The following SPTLC1 variants were observed in gnomAD, a reference collection of about 807,000 sequenced individuals.
SPTLC1 encodes the protein serine palmitoyltransferase 1.
Under a neutral mutation model 68.9 loss-of-function variants are expected in SPTLC1, and 55 were observed. The observed-to-expected ratio is 0.80, with a 90% CI of 0.64 to 1.00. The LOEUF (loss-of-function observed/expected upper bound fraction) is 1.00, where lower values mean the gene tolerates loss of function less well. Among genes scored for constraint, SPTLC1 ranks in the 50% least tolerant of loss-of-function variants. The probability of loss-of-function intolerance (pLI) is 0.00; values close to 1 mark genes in which losing one functional copy is unlikely to be tolerated. For missense variants in SPTLC1, 449 were observed against 573.1 expected (o/e 0.78, Z 2.21); for synonymous variants, 197 against 201.6 (o/e 0.98, Z 0.19).
In SPTLC1 at chr9:92,033,283, G is replaced by A. The variant is rs75239547; in HGVS notation, c.1329-725C>T. Among the ~76,000 whole-genome samples, 183 of 152,350 alleles carry A rather than the reference G, an allele frequency of 1.2e-3. 1 individual carries two copies. The highest frequency in any genetic ancestry group is 2.0e-3 in the Non-Finnish European group (136 of 68,040). Reference sequence around the variant, plus strand: ...CAAATCAACGACAGTTTGATTGTTCGTATTTATGTCAATAGCAATGTGAAA... The same window carrying A: ...CAAATCAACGACAGTTTGATTGTTCATATTTATGTCAATAGCAATGTGAAA... On this transcript the variant is annotated intron_variant, in intron 14 of 14. Transcript: ENST00000262554.
Position 92,115,299 on chromosome 9 carries a change from T to C in SPTLC1, c.57+15A>G, listed in dbSNP as rs753807121. 10 of 1,611,478 alleles carry C rather than the reference T, an allele frequency of 6.2e-6. No individual in the cohort carries two copies. Among genetic ancestry groups the C allele is most frequent in the South Asian group, 2.2e-5 (2 of 91,006 alleles). On this transcript the variant is annotated intron_variant, in intron 1 of 14. Coordinates refer to ENST00000262554, the MANE Select transcript of SPTLC1 (RefSeq NM_006415.4). The stretch of plus-strand genomic sequence containing the variant: ...CCCGGGTGTGGTCGCGGACCGCTAA[T>C]GGCGCGGAGCCCACCTCGTAAAGCG...
At chr9:92,038,911 C>T (rs1361107382) in intron 12 of SPTLC1, among the ~76,000 whole-genome samples, 3 of 152,230 alleles carry the variant, frequency 2.0e-5, no homozygotes, top group African/African-American at 7.2e-5. Flanking sequence ...TTTTGTCTCT[C>T]ATAAATTACA....
intron 3 of SPTLC1, among the ~76,000 whole-genome samples, chr9:92,085,731 G>A (rs556537513): frequency 1.1e-3 from 169 of 152,186 alleles, no homozygotes; most frequent in African/African-American, 3.7e-3. Flanking sequence ...GATTTGGGGT[G>A]GAGAGTTCTG....
chr9:92,032,642 C>T, intron 14 of SPTLC1, 84 bp from the exon 15 acceptor site: 1 of 1,556,040 alleles, frequency 6.4e-7, no homozygotes, highest in Non-Finnish European at 8.8e-7. Context: ...CTTTGGAGGC[C>T]AAGGCAGGTG....
At chr9:92,081,003 C>A in intron 3 of SPTLC1, 40 bp from the exon 4 acceptor site, 2 of 1,442,544 alleles carry the variant, frequency 1.4e-6, no homozygotes, top group Non-Finnish European at 2.0e-6. Flanking sequence ...ATTACACATT[C>A]ATGTTACATG....
chr9:92,038,234 C>G lies in SPTLC1; in HGVS notation c.1254+14G>C, dbSNP rs1254268526. On this transcript the variant is annotated intron_variant, in intron 13 of 14. Coordinates refer to ENST00000262554, the MANE Select transcript of SPTLC1 (RefSeq NM_006415.4). ...AGTGGTGTGGGGGGATGCCTCAAGT[C>G]AACGGATACTTACTTGATCTACAAT... is the stretch of plus-strand genomic sequence containing the variant. 6.4e-7 allele frequency: 1 copy of G among 1,555,610 alleles called. No individual in the cohort carries two copies. Among genetic ancestry groups the G allele is most frequent in the Admixed American group, 1.7e-5 (1 of 59,922 alleles).
chr9:92,101,228 A>G (rs1168242777), intron 3 of SPTLC1, among the ~76,000 whole-genome samples: 1 of 152,184 alleles, frequency 6.6e-6, no homozygotes, highest in Non-Finnish European at 1.5e-5. Context: ...AACAAGCCAT[A>G]GCCTGAATGA....
intron 3 of SPTLC1, chr9:92,108,215 C>G (rs1236728262): frequency 6.2e-6 from 1 of 160,366 alleles, no homozygotes; most frequent in African/African-American, 2.4e-5. Flanking sequence ...AAAATACATA[C>G]AATATAGCAA....
intron 13 of SPTLC1, among the ~76,000 whole-genome samples, chr9:92,036,056 G>A (rs1833128920): frequency 1.3e-5 from 2 of 152,176 alleles, no homozygotes; most frequent in African/African-American, 4.8e-5. Flanking sequence ...TTCAAATATT[G>A]AAAAGATGAG....
rs201242481 is a variant in SPTLC1, at chr9:92,052,534, AT to A, written c.781-2468del. 8.8e-3 allele frequency among the ~76,000 whole-genome samples: 1,295 copies of A among 147,418 alleles called. 10 individuals carry two copies. The highest frequency in any genetic ancestry group is 0.02 in the East Asian group (104 of 5,078). The stretch of plus-strand genomic sequence containing the variant: ...GGATTAAACAAAGATTATTATTATT[AT>A]TTTTTTTTTTTTGAGACAGAGTCTC... On this transcript the variant is annotated intron_variant, in intron 8 of 14. Transcript: ENST00000262554.
intron 6 of SPTLC1, among the ~76,000 whole-genome samples, chr9:92,060,796 C>T (rs181362826): frequency 7.6e-4 from 114 of 149,868 alleles, no homozygotes; most frequent in African/African-American, 2.7e-3. Flanking sequence ...GCCTGTAGTC[C>T]GGGTTACTCG....
rs1317345964 is a variant in SPTLC1, at chr9:92,034,150, T to A, written c.1328+660A>T. 2.0e-5 allele frequency among the ~76,000 whole-genome samples: 3 copies of A among 152,198 alleles called. No individual in the cohort carries two copies. In the East Asian group the frequency reaches 5.8e-4, roughly 29 times the overall value. On this transcript the variant is annotated intron_variant, in intron 14 of 14. Transcript: ENST00000262554. The stretch of plus-strand genomic sequence containing the variant: ...GACACACACACTTCTCTAGTTTTGG[T>A]GTAGACATCGCCTGCTCTCAAAAGC...
chr9:92,068,204 CT>C (rs1390052459), intron 5 of SPTLC1, 106 bp from the exon 6 acceptor site: 1 of 1,071,998 alleles, frequency 9.3e-7, no homozygotes, highest in Non-Finnish European at 1.4e-6. Context: ...ATACTTTCAC[CT>C]TATGGCCAAA....
intron 3 of SPTLC1, among the ~76,000 whole-genome samples, chr9:92,082,939 G>C (rs1246837608): frequency 6.6e-6 from 1 of 152,160 alleles, no homozygotes. Flanking sequence ...ATTCTAACTG[G>C]TGTGAGATGG....
intron 13 of SPTLC1, among the ~76,000 whole-genome samples, chr9:92,036,656 G>GA (rs1422116986): frequency 6.6e-6 from 1 of 152,056 alleles, no homozygotes; most frequent in African/African-American, 2.4e-5. Context: ...CAAGTCCATT[G>GA]AAAAAAACAA....
intron 12 of SPTLC1, among the ~76,000 whole-genome samples, chr9:92,042,362 A>G (rs543192840): frequency 1.1e-4 from 16 of 152,360 alleles, no homozygotes; most frequent in African/African-American, 3.8e-4. Flanking sequence ...ACTTCCATGC[A>G]CATCATCATA....
At chr9:92,082,689 C>G (rs1047894054) in intron 3 of SPTLC1, among the ~76,000 whole-genome samples, 1 of 151,882 alleles carries the variant, frequency 6.6e-6, no homozygotes, top group Admixed American at 6.6e-5. Flanking sequence ...GAATAGTGCC[C>G]CAATAAACAT....
intron 12 of SPTLC1, among the ~76,000 whole-genome samples, chr9:92,042,000 A>C (rs915917638): frequency 1.3e-5 from 2 of 152,226 alleles, no homozygotes; most frequent in African/African-American, 4.8e-5. Flanking sequence ...TGAAGGCAGG[A>C]GGATTGGTTG....
chr9:92,092,800 A>C (rs1329566192), intron 3 of SPTLC1, among the ~76,000 whole-genome samples: 1 of 152,186 alleles, frequency 6.6e-6, no homozygotes, highest in Non-Finnish European at 1.5e-5. Context: ...ATAGGCTTAA[A>C]CACAGAAAAG....
Sources: gnomAD v4.1 joint callset for allele counts (sites outside exome capture counted in the v4.1 genomes callset) on GRCh38, gnomAD v4.1.1 for gene constraint, MANE v1.5 for transcripts, NCBI Gene and HGNC (gene_info 2026-07-23, HGNC 2026-07-21) for gene names.